Variants in NEO1 observed in about 807,000 individuals in gnomAD.
NEO1 encodes neogenin 1, also known as neogenin.
NEO1 carries 63 observed loss-of-function variants against 159.7 expected under a neutral mutation model. That is an observed-to-expected ratio of 0.39 (90% CI 0.32 to 0.49). The LOEUF (loss-of-function observed/expected upper bound fraction) is 0.49. NEO1 is among the 20% of genes least tolerant of loss of function. NEO1 has a pLI of 0.85. For missense variants in NEO1, 1,615 were observed against 1,831.0 expected (o/e 0.88, Z 2.15); for synonymous variants, 633 against 662.0 (o/e 0.96, Z 0.67).
At chr15:73,166,532 G>C (rs2151911287) in intron 5 of NEO1, among the ~76,000 whole-genome samples, 1 of 152,266 alleles carries the variant, frequency 6.6e-6, no homozygotes, top group African/African-American at 2.4e-5. Flanking sequence ...ATAAAGGCAG[G>C]GGGAAATTTC....
intron 7 of NEO1, among the ~76,000 whole-genome samples, chr15:73,199,695 AC>A (rs1386991304): frequency 6.6e-6 from 1 of 152,154 alleles, no homozygotes; most frequent in African/African-American, 2.4e-5. Context: ...TTTATAAAGG[AC>A]GGAAATTTAT....
chr15:73,279,350 G>GTTTTTTTTTTTTTTTTTT (rs1567679061), intron 22 of NEO1, among the ~76,000 whole-genome samples: 6 of 58,134 alleles, frequency 1.0e-4, no homozygotes, highest in African/African-American at 2.2e-4. Context: ...TTTTGGTTTT[G>GTTTTTTTTTTTTTTTTTT]GTTTTTTTTT....
intron 9 of NEO1, among the ~76,000 whole-genome samples, chr15:73,244,968 A>AC (rs2039692089): frequency 2.1e-5 from 3 of 146,112 alleles, no homozygotes. Flanking sequence ...AAAAAAAAAA[A>AC]AAAAAAAAAA....
chr15:73,077,039 A>T lies in NEO1; in HGVS notation c.130+24234A>T, dbSNP rs147716009. On this transcript the variant is annotated intron_variant, in intron 1 of 28. Coordinates refer to ENST00000261908, the MANE Select transcript of NEO1 (RefSeq NM_002499.4). ...CTTATAATAACATAGCAATTTTTTT[A>T]AATTAATTAATTTATTTATTTTGAG... Among the ~76,000 whole-genome samples, 1,298 of 152,182 alleles carry T rather than the reference A, an allele frequency of 8.5e-3. 22 individuals are homozygous for T. Among genetic ancestry groups the T allele is most frequent in the African/African-American group, 0.029 (1,224 of 41,500 alleles).
chr15:73,092,014 A>C (rs1251410017), intron 1 of NEO1, among the ~76,000 whole-genome samples: 2 of 152,188 alleles, frequency 1.3e-5, no homozygotes, highest in Admixed American at 1.3e-4. Flanking sequence ...ATAAAAGTAC[A>C]TAAAATTGAA....
At chr15:73,090,818 ATTAT>A (rs1206911410) in intron 1 of NEO1, among the ~76,000 whole-genome samples, 1 of 152,178 alleles carries the variant, frequency 6.6e-6, no homozygotes. Flanking sequence ...ATAGTTTCAT[ATTAT>A]TTTAAATTAC....
intron 7 of NEO1, among the ~76,000 whole-genome samples, chr15:73,183,241 A>G (rs986822797): frequency 6.6e-6 from 1 of 152,088 alleles, no homozygotes; most frequent in African/African-American, 2.4e-5. Flanking sequence ...TGCCTGGGAG[A>G]CAGGACAAAG....
chr15:73,238,818 G>A (rs1451584273), intron 8 of NEO1, among the ~76,000 whole-genome samples: 1 of 151,478 alleles, frequency 6.6e-6, no homozygotes, highest in Non-Finnish European at 1.5e-5. Flanking sequence ...GCAAAATGAT[G>A]GGGGTTTTTT....
chr15:73,091,262 T>C (rs1034042914), intron 1 of NEO1, among the ~76,000 whole-genome samples: 2 of 152,200 alleles, frequency 1.3e-5, no homozygotes, highest in African/African-American at 4.8e-5. Context: ...AGGAACCTAT[T>C]TGAGGTACTA....
chr15:73,223,850 G>GT, intron 7 of NEO1, among the ~76,000 whole-genome samples: 1 of 152,194 alleles, frequency 6.6e-6, no homozygotes. Flanking sequence ...TTGGTTTTTT[G>GT]TTTTTTGTTT....
intron 1 of NEO1, among the ~76,000 whole-genome samples, chr15:73,064,065 A>G (rs947102401): frequency 6.6e-5 from 10 of 152,264 alleles, no homozygotes; most frequent in African/African-American, 2.4e-4. Context: ...CTTTAAAAAA[A>G]TTCTGTAAGC....
At chr15:73,142,989 T>C (rs2032549475) in intron 5 of NEO1, among the ~76,000 whole-genome samples, 1 of 152,024 alleles carries the variant, frequency 6.6e-6, no homozygotes, top group Non-Finnish European at 1.5e-5. Context: ...TGAAATAAAC[T>C]GAGTAACTTA....
At chr15:73,092,077 C>T (rs1047129984) in intron 1 of NEO1, among the ~76,000 whole-genome samples, 1 of 152,064 alleles carries the variant, frequency 6.6e-6, no homozygotes, top group Non-Finnish European at 1.5e-5. Context: ...CTTTTGTTTA[C>T]CTTTAGAATA....
At chr15:73,262,159 T>C (rs777981763) in intron 15 of NEO1, among the ~76,000 whole-genome samples, 30 of 152,168 alleles carry the variant, frequency 2.0e-4, no homozygotes, top group Admixed American at 6.5e-5. Flanking sequence ...GGGACAACAA[T>C]TCTAGAAGAA....
intron 1 of NEO1, among the ~76,000 whole-genome samples, chr15:73,058,557 T>C (rs1029893278): frequency 1.3e-5 from 2 of 152,204 alleles, no homozygotes; most frequent in African/African-American, 2.4e-5. Flanking sequence ...TTCCCCCATA[T>C]AGGATTGCTG....
At chr15:73,299,579 G>GT (rs1168080196) in intron 27 of NEO1, among the ~76,000 whole-genome samples, 1 of 152,070 alleles carries the variant, frequency 6.6e-6, no homozygotes, top group Non-Finnish European at 1.5e-5. Context: ...TAGAGACGGG[G>GT]TTTCACCACA....
chr15:73,122,987 T>C (rs1596059782), intron 3 of NEO1, among the ~76,000 whole-genome samples, 187 bp downstream of exon 3: 1 of 151,958 alleles, frequency 6.6e-6, no homozygotes, highest in Admixed American at 6.6e-5. Flanking sequence ...CGAAACCCCA[T>C]CTCTACTAAA....
intron 8 of NEO1, among the ~76,000 whole-genome samples, chr15:73,244,085 T>C (rs145069100): frequency 1.4e-3 from 208 of 152,312 alleles, no homozygotes; most frequent in Non-Finnish European, 2.7e-3. Context: ...CCCTGTGTCT[T>C]CTCTGAAAGG....
At chr15:73,189,807 A>G (rs770117605) in intron 7 of NEO1, among the ~76,000 whole-genome samples, 1 of 152,232 alleles carries the variant, frequency 6.6e-6, no homozygotes, top group Non-Finnish European at 1.5e-5. Flanking sequence ...ATTTTTGCAT[A>G]TCACTGGAAA....
Sources: allele counts gnomAD v4.1 joint callset (sites outside exome capture counted in the v4.1 genomes callset), GRCh38; gene constraint gnomAD v4.1.1; transcripts MANE v1.5; gene names NCBI Gene and HGNC (gene_info 2026-07-23, HGNC 2026-07-21).